The following ASAP2 variants were observed in gnomAD, a reference collection of about 807,000 sequenced individuals.
ASAP2 encodes arf-GAP with SH3 domain, ANK repeat and PH domain-containing protein 2.
A neutral mutation model predicts 131.4 loss-of-function variants in ASAP2; 45 were observed. The observed-to-expected ratio is 0.34, with a 90% confidence interval of 0.27 to 0.44. The LOEUF (loss-of-function observed/expected upper bound fraction) is 0.44, where lower values mean the gene tolerates loss of function less well. Ranked by LOEUF, ASAP2 falls within the 20% of genes least tolerant of loss-of-function variation. ASAP2 has a pLI of 1.00. For missense variants in ASAP2, 1,011 were observed against 1,297.0 expected, an observed-to-expected ratio of 0.78 and a Z score of 3.39; for synonymous variants, 510 against 503.0, an observed-to-expected ratio of 1.01 and a Z score of -0.19.
At chr2:9,238,492 A>G (rs998404179) in intron 1 of ASAP2, among the ~76,000 whole-genome samples, 1 of 152,110 alleles carries the variant, frequency 6.6e-6, no homozygotes, top group East Asian at 1.9e-4. Flanking sequence ...CCACCTTCCC[A>G]TGGGGGCTGC....
intron 3 of ASAP2, among the ~76,000 whole-genome samples, chr2:9,309,918 C>T (rs892921320): frequency 4.6e-5 from 7 of 152,222 alleles, no homozygotes; most frequent in African/African-American, 1.2e-4. Flanking sequence ...GCCCACTTTC[C>T]GCTCTTCAAT....
chr2:9,301,284 A>G (rs1168906747), intron 3 of ASAP2, among the ~76,000 whole-genome samples: 3 of 152,220 alleles, frequency 2.0e-5, no homozygotes, highest in Admixed American at 6.5e-5. Flanking sequence ...AGATCTCCAG[A>G]GAAATGCCAG....
chr2:9,357,487 A>T (rs1672797254), intron 14 of ASAP2, among the ~76,000 whole-genome samples: 1 of 152,168 alleles, frequency 6.6e-6, no homozygotes, highest in Non-Finnish European at 1.5e-5. Context: ...TAAAACAAAC[A>T]AACAAAAAAC....
chr2:9,248,899 A>G (rs773224282), intron 1 of ASAP2, among the ~76,000 whole-genome samples: 2 of 152,120 alleles, frequency 1.3e-5, no homozygotes, highest in Non-Finnish European at 1.5e-5. Context: ...CTCTGTGTCT[A>G]CCTGTCATGG....
rs367789969 is a variant in ASAP2 at position 9,358,794 on chromosome 2, T to A, written c.1366T>A (p.Cys456Ser). 4 of 1,613,800 alleles carry A rather than the reference T, an allele frequency of 2.5e-6. No individual in the cohort carries two copies. Among genetic ancestry groups the A allele is most frequent in the African/African-American group, 1.3e-5 (1 of 74,844 alleles). The change falls in exon 15 of 28, where the codon TGC (cysteine) becomes AGC (serine). Residue 456 changes from cysteine to serine, a missense_variant. Cys to Ser is a moderately radical substitution (Grantham distance 112). This residue lies in a region of ASAP2 where 359 missense variants were observed against 598.1 expected (regional missense o/e 0.60). Transcript: ENST00000281419. Reference sequence around the variant, plus strand: ...TTCCACCAACCTGGGCATCCTGACCTGCATCGAGTGTTCCGGAATCCACCG... The same window carrying A: ...TTCCACCAACCTGGGCATCCTGACCAGCATCGAGTGTTCCGGAATCCACCG... ...WLSTNLGILT[C>S]IECSGIHREL...
chr2:9,355,706 A>G (rs1421341987), intron 12 of ASAP2, among the ~76,000 whole-genome samples: 3 of 152,230 alleles, frequency 2.0e-5, no homozygotes, highest in Non-Finnish European at 2.9e-5. Context: ...TTATTATTCA[A>G]AGGGCTTGAA....
At chr2:9,238,962 T>C (rs1237396625) in intron 1 of ASAP2, among the ~76,000 whole-genome samples, 2 of 152,160 alleles carry the variant, frequency 1.3e-5, no homozygotes, top group African/African-American at 4.8e-5. Flanking sequence ...CTGTACTGTG[T>C]TCCCTGGGCC....
chr2:9,208,649 C>T (rs1661319291), intron 1 of ASAP2, among the ~76,000 whole-genome samples: 2 of 152,110 alleles, frequency 1.3e-5, no homozygotes, highest in Admixed American at 6.6e-5. Context: ...CCTATGAATT[C>T]GGTGATTCCC....
chr2:9,235,017 G>A (rs1458613001), intron 1 of ASAP2, among the ~76,000 whole-genome samples: 2 of 152,056 alleles, frequency 1.3e-5, no homozygotes, highest in Admixed American at 6.5e-5. Context: ...AGGAGTAGAC[G>A]GCCCAGCCTT....
intron 11 of ASAP2, among the ~76,000 whole-genome samples, chr2:9,350,162 C>T (rs1157413885): frequency 6.6e-6 from 1 of 151,930 alleles, no homozygotes; most frequent in Non-Finnish European, 1.5e-5. Flanking sequence ...TTTTCATACA[C>T]CTCTGATGAA....
At chr2:9,259,743 T>C (rs573467723) in intron 1 of ASAP2, among the ~76,000 whole-genome samples, 1 of 152,264 alleles carries the variant, frequency 6.6e-6, no homozygotes, top group South Asian at 2.1e-4. Context: ...GTGTGTGTGT[T>C]TTAGCGCAGA....
intron 3 of ASAP2, among the ~76,000 whole-genome samples, chr2:9,306,206 G>T (rs2148441346): frequency 6.6e-6 from 1 of 150,420 alleles, no homozygotes; most frequent in Admixed American, 6.6e-5. Context: ...CTGCAGGAGG[G>T]TGTATATACC....
At chr2:9,349,058 T>G (rs1672164688) in intron 11 of ASAP2, among the ~76,000 whole-genome samples, 1 of 152,174 alleles carries the variant, frequency 6.6e-6, no homozygotes, top group Non-Finnish European at 1.5e-5. Flanking sequence ...AGCTACAAAA[T>G]TGGTGTAGTT....
intron 1 of ASAP2, among the ~76,000 whole-genome samples, chr2:9,263,381 TG>T (rs1665713477): frequency 6.6e-6 from 1 of 152,212 alleles, no homozygotes; most frequent in African/African-American, 2.4e-5. Context: ...TGCCCAGAGC[TG>T]CCCCACGCTG....
At position 9,392,572 on chromosome 2, in the gene ASAP2, G is replaced by A. The variant is rs145065476; in HGVS notation, c.2519-910G>A. On this transcript the variant is annotated intron_variant, in intron 23 of 27. Coordinates refer to ENST00000281419, the MANE Select transcript of ASAP2 (RefSeq NM_003887.3). This position sits in a 1 kb window ranked among gnomAD's most constrained non-coding sequence, Gnocchi z 4.0. ...GAAGGAACCACTTTCCTGCCTCTCC[G>A]TCTGGTGGTCCAGGGGCTGCATTTG... 1.2e-4 allele frequency among the ~76,000 whole-genome samples: 18 copies of A among 152,292 alleles called. 1 individual carries two copies. In the East Asian group the frequency reaches 3.5e-3, roughly 29 times the overall value.
At chr2:9,330,238 A>G (rs1173565182) in intron 7 of ASAP2, among the ~76,000 whole-genome samples, 1 of 152,222 alleles carries the variant, frequency 6.6e-6, no homozygotes, top group African/African-American at 2.4e-5. Flanking sequence ...CATTTAAAAA[A>G]AAGAAGAGTG....
At chr2:9,210,345 C>G (rs1261439823) in intron 1 of ASAP2, among the ~76,000 whole-genome samples, 1 of 152,176 alleles carries the variant, frequency 6.6e-6, no homozygotes, top group Non-Finnish European at 1.5e-5. Context: ...TACCTATCAA[C>G]TTCAGAGGAT....
At chr2:9,266,464 G>C (rs963788601) in intron 1 of ASAP2, among the ~76,000 whole-genome samples, 1 of 152,130 alleles carries the variant, frequency 6.6e-6, no homozygotes, top group African/African-American at 2.4e-5. Context: ...ATCTTCTGCA[G>C]AGCTGCCTTA....
chr2:9,326,251 A>G (rs1036850829), intron 6 of ASAP2, among the ~76,000 whole-genome samples: 4 of 152,154 alleles, frequency 2.6e-5, no homozygotes, highest in African/African-American at 9.7e-5. Flanking sequence ...AACAAACATG[A>G]CTTTAAAATT....
Sources: gnomAD v4.1 joint callset for allele counts (sites outside exome capture counted in the v4.1 genomes callset) on GRCh38, gnomAD v4.1.1 for gene constraint, gnomAD v4.1.1 regional missense constraint, Gnocchi (gnomAD v3.1) non-coding constraint, MANE v1.5 for transcripts, NCBI Gene and HGNC (gene_info 2026-07-23, HGNC 2026-07-21) for gene names.